The following AP3B1 variants were observed in gnomAD, a reference collection of about 807,000 sequenced individuals.
The protein encoded by AP3B1 is adaptor related protein complex 3 subunit beta 1.
A neutral mutation model predicts 132.5 loss-of-function variants in AP3B1; 61 were observed. The observed-to-expected ratio is 0.46, with a 90% CI of 0.37 to 0.57. AP3B1 has a LOEUF of 0.57. Ranked by LOEUF, AP3B1 falls within the 20% of genes least tolerant of loss-of-function variation. The pLI is 0.00. For missense variants in AP3B1, 1,120 were observed against 1,289.4 expected (o/e 0.87, Z 2.01); for synonymous variants, 388 against 438.3 (o/e 0.89, Z 1.43).
At chr5:78,154,458 T>C (rs550116340) in intron 14 of AP3B1, among the ~76,000 whole-genome samples, 12 of 152,318 alleles carry the variant, frequency 7.9e-5, no homozygotes, top group African/African-American at 2.9e-4. Flanking sequence ...TGAAGTTCTA[T>C]AACCTTCTTG....
At chr5:78,240,125 T>C (rs1747062973) in intron 3 of AP3B1, among the ~76,000 whole-genome samples, 1 of 152,224 alleles carries the variant, frequency 6.6e-6, no homozygotes, top group African/African-American at 2.4e-5. Context: ...CATAACCATG[T>C]TCCCTGGATT....
intron 1 of AP3B1, among the ~76,000 whole-genome samples, chr5:78,293,736 G>C (rs931393062): frequency 1.3e-5 from 2 of 150,956 alleles, no homozygotes; most frequent in African/African-American, 4.9e-5. Context: ...AAACAACTTG[G>C]GATTTCTTTC....
At chr5:78,070,755 C>G (rs1280010791) in intron 22 of AP3B1, among the ~76,000 whole-genome samples, 3 of 151,044 alleles carry the variant, frequency 2.0e-5, no homozygotes, top group Non-Finnish European at 3.0e-5. Context: ...GGGCAAAGGA[C>G]ATGAACAGAC....
At chr5:78,036,005 T>C (rs1444688660) in intron 23 of AP3B1, among the ~76,000 whole-genome samples, 1 of 152,112 alleles carries the variant, frequency 6.6e-6, no homozygotes, top group African/African-American at 2.4e-5. Flanking sequence ...ATCTGACACA[T>C]TAGTAGCAAA....
intron 22 of AP3B1, among the ~76,000 whole-genome samples, chr5:78,072,712 C>CT (rs34203981): frequency 0.7 from 47,742 of 68,360 alleles, 21,054 homozygotes; most frequent in South Asian, 0.78. Context: ...CTGATATATT[C>CT]TTTTTTTTTT....
intron 7 of AP3B1, among the ~76,000 whole-genome samples, chr5:78,202,449 A>G (rs1745332367): frequency 6.6e-6 from 1 of 152,068 alleles, no homozygotes; most frequent in Non-Finnish European, 1.5e-5. Context: ...CAGGAAAGTG[A>G]CACTAAGATA....
chr5:78,215,116 C>A (rs997102293), intron 7 of AP3B1, among the ~76,000 whole-genome samples: 1 of 151,870 alleles, frequency 6.6e-6, no homozygotes, highest in Non-Finnish European at 1.5e-5. Context: ...TTACATTTTT[C>A]TAATTAACAA....
intron 5 of AP3B1, among the ~76,000 whole-genome samples, chr5:78,226,218 T>C (rs1164920762): frequency 2.0e-5 from 3 of 152,084 alleles, no homozygotes; most frequent in Admixed American, 6.5e-5. Flanking sequence ...TTTAAGCCGT[T>C]AGAGTGAGCA....
chr5:78,280,878 T>C (rs1749019847), intron 1 of AP3B1, among the ~76,000 whole-genome samples: 2 of 152,208 alleles, frequency 1.3e-5, no homozygotes, highest in Admixed American at 1.3e-4. Context: ...GAAACAGTTC[T>C]AGACATCTGT....
chr5:78,248,117 A>C (rs1239094024), intron 2 of AP3B1, among the ~76,000 whole-genome samples: 1 of 152,200 alleles, frequency 6.6e-6, no homozygotes, highest in Non-Finnish European at 1.5e-5. Flanking sequence ...AGGTAGATAA[A>C]CAGACATATA....
intron 12 of AP3B1, among the ~76,000 whole-genome samples, chr5:78,163,441 T>C (rs1743469161): frequency 6.6e-6 from 1 of 151,986 alleles, no homozygotes; most frequent in Admixed American, 6.6e-5. Flanking sequence ...ATCACAATGG[T>C]TGTAAAAGAA....
intron 5 of AP3B1, among the ~76,000 whole-genome samples, chr5:78,226,166 C>T (rs370598788): frequency 6.6e-6 from 1 of 151,964 alleles, no homozygotes; most frequent in Admixed American, 6.6e-5. Context: ...GAGAGGCAAG[C>T]ATTGAGGCTG....
chr5:78,277,931 TATTTGCC>T, intron 1 of AP3B1, among the ~76,000 whole-genome samples: 1 of 92,518 alleles, frequency 1.1e-5, no homozygotes, highest in African/African-American at 3.0e-5. Context: ...GACATCTTCA[TATTTGCC>T]ATGATCTTTA....
At chr5:78,099,460 C>T (rs147239476) in intron 21 of AP3B1, among the ~76,000 whole-genome samples, 322 of 152,252 alleles carry the variant, frequency 2.1e-3, no homozygotes, top group Admixed American at 3.5e-3. Flanking sequence ...GTCAGATCAT[C>T]TACAGTCTGA....
chr5:78,075,587 A>G (rs1241385996), intron 22 of AP3B1, among the ~76,000 whole-genome samples: 1 of 152,236 alleles, frequency 6.6e-6, no homozygotes, highest in African/African-American at 2.4e-5. Context: ...CCAATTTCCC[A>G]TATTCCTTTG....
intron 7 of AP3B1, among the ~76,000 whole-genome samples, chr5:78,213,155 A>G (rs981432969): frequency 1.8e-4 from 28 of 152,338 alleles, no homozygotes; most frequent in African/African-American, 6.3e-4. Flanking sequence ...CTGGGATTAC[A>G]GGCGTGAGCC....
intron 1 of AP3B1, among the ~76,000 whole-genome samples, chr5:78,286,304 T>C (rs1179292608): frequency 1.3e-5 from 2 of 152,158 alleles, no homozygotes; most frequent in Non-Finnish European, 2.9e-5. Flanking sequence ...ATTCAGATGT[T>C]CAAACTTAAT....
At chr5:78,207,012 C>T (rs1745532942) in intron 7 of AP3B1, among the ~76,000 whole-genome samples, 1 of 152,058 alleles carries the variant, frequency 6.6e-6, no homozygotes. Context: ...AATCCCAGCA[C>T]TTTGGGAGGC....
Position 78,281,605 on chromosome 5 carries a change from T to C in AP3B1, c.128+12847A>G, listed in dbSNP as rs192038679. On this transcript the variant is annotated intron_variant, in intron 1 of 26. Transcript: ENST00000255194. ...AAACTTTTTTTATAGTTTTGCTACA[T>C]GAATGAAAAACCGTTTTACAATACT... is the stretch of plus-strand genomic sequence containing the variant. Among the ~76,000 whole-genome samples the C allele has an allele frequency of 1.1e-3, 175 of 152,266 alleles. 1 individual carries two copies. Among genetic ancestry groups the C allele is most frequent in the Middle Eastern group, 6.8e-3 (2 of 294 alleles).
Sources: gnomAD v4.1 joint callset for allele counts (sites outside exome capture counted in the v4.1 genomes callset) on GRCh38, gnomAD v4.1.1 for gene constraint, MANE v1.5 for transcripts, NCBI Gene and HGNC (gene_info 2026-07-23, HGNC 2026-07-21) for gene names.